The following CDC14B variants were observed in gnomAD, a reference collection of about 807,000 sequenced individuals.
CDC14B encodes the protein cell division cycle 14B, also known as dual specificity protein phosphatase CDC14B.
In CDC14B, 22 loss-of-function variants were observed where a neutral mutation model predicts 64.2. That is an observed-to-expected ratio of 0.34 (90% CI 0.24 to 0.49). CDC14B has a LOEUF of 0.49. CDC14B is among the 20% of genes least tolerant of loss of function. The pLI, the probability that CDC14B is intolerant of heterozygous loss-of-function variation, is 0.99. For missense variants in CDC14B, 498 were observed against 629.9 expected, an observed-to-expected ratio of 0.79 and a Z score of 2.24; for synonymous variants, 191 against 215.8, an observed-to-expected ratio of 0.89 and a Z score of 1.01.
Position 96,563,511 on chromosome 9 carries a change from G to T in CDC14B, c.328-726C>A, listed in dbSNP as rs1587984121. On this transcript the variant is annotated intron_variant, in intron 3 of 13. Coordinates refer to ENST00000375241, the MANE Select transcript of CDC14B (RefSeq NM_033331.4). ...ACTAAAAATACAAAACTAGCTGGGC[G>T]TGGTGGCACATGCCTGTAATCCCAG... 2.0e-5 allele frequency among the ~76,000 whole-genome samples: 3 copies of T among 152,042 alleles called. No homozygotes were observed. The East Asian group carries it at 5.8e-4, about 29-fold the overall frequency.
intron 9 of CDC14B, among the ~76,000 whole-genome samples, chr9:96,526,142 C>T (rs534234381): frequency 6.6e-6 from 1 of 152,090 alleles, no homozygotes; most frequent in African/African-American, 2.4e-5. Context: ...CCGAGGAGGG[C>T]AGATCATGAG....
At chr9:96,491,581 G>C (rs1833097247) in exon 14 of CDC14B, 1 of 152,162 alleles carries the variant, frequency 6.6e-6, no homozygotes. Flanking sequence ...TCTGAACCTA[G>C]CCGGTACAAC....
chr9:96,606,330 C>T (rs1470254488), intron 1 of CDC14B, among the ~76,000 whole-genome samples: 1 of 75,338 alleles, frequency 1.3e-5, no homozygotes, highest in Non-Finnish European at 2.1e-5. Flanking sequence ...AAGACTCCAT[C>T]TCAAAAAAAA....
At chr9:96,619,085 G>T (rs905129219) in intron 1 of CDC14B, 134 bp downstream of exon 1, 2 of 587,414 alleles carry the variant, frequency 3.4e-6, no homozygotes, top group African/African-American at 4.0e-5. Flanking sequence ...GGCGGCCGGG[G>T]CGTTTAAGGG....
chr9:96,614,287 G>A (rs1425947264), intron 1 of CDC14B, among the ~76,000 whole-genome samples: 1 of 151,072 alleles, frequency 6.6e-6, no homozygotes, highest in South Asian at 2.1e-4. Flanking sequence ...TTTTGCCCAG[G>A]CTAGAGTGCT....
In CDC14B at chr9:96,588,525, C is replaced by T. The variant is rs16911372; in HGVS notation, c.161-23042G>A. Among the ~76,000 whole-genome samples, 36 of 152,218 alleles carry T rather than the reference C, an allele frequency of 2.4e-4. 1 individual carries two copies. The South Asian group carries it at 6.4e-3, about 27-fold the overall frequency. ...TGTTTTTGCGATAGGGCTCATCTGT[C>T]GCCCAGGCTGGAGCGCAGTGGCGTA... On this transcript the variant is annotated intron_variant, in intron 1 of 13. Coordinates refer to ENST00000375241, the MANE Select transcript of CDC14B (RefSeq NM_033331.4).
intron 13 of CDC14B, 109 bp from the exon 14 acceptor site, chr9:96,503,898 T>C: frequency 1.2e-6 from 1 of 807,242 alleles, no homozygotes. Flanking sequence ...TGCTAAAAAG[T>C]ATACGCTTGC....
rs552588245 is a variant in CDC14B, at chr9:96,604,324, G to A, written c.160+14895C>T. Among the ~76,000 whole-genome samples, 21 of 149,896 alleles carry A rather than the reference G, an allele frequency of 1.4e-4. 1 individual carries two copies. In the South Asian group the frequency reaches 2.5e-3, roughly 18 times the overall value. On this transcript the variant is annotated intron_variant, in intron 1 of 13. Coordinates refer to ENST00000375241, the MANE Select transcript of CDC14B (RefSeq NM_033331.4). Reference sequence around the variant, plus strand: ...GTTTCCTTAAACATTTCCTTGAAAAGGCCTCGTGAAGCTTGCATTTATTAT... The same window carrying A: ...GTTTCCTTAAACATTTCCTTGAAAAAGCCTCGTGAAGCTTGCATTTATTAT...
chr9:96,523,466 C>T (rs1837067222), intron 10 of CDC14B, 46 bp from the exon 11 acceptor site: 1 of 1,603,808 alleles, frequency 6.2e-7, no homozygotes, highest in Non-Finnish European at 8.5e-7. Flanking sequence ...CAGAAAGATA[C>T]ATGAACAACT....
At chr9:96,561,281 T>A (rs989813913) in intron 4 of CDC14B, among the ~76,000 whole-genome samples, 1 of 152,198 alleles carries the variant, frequency 6.6e-6, no homozygotes. Flanking sequence ...ATGATATACC[T>A]TATACATAAA....
intron 4 of CDC14B, among the ~76,000 whole-genome samples, chr9:96,557,037 G>A (rs1842591123): frequency 6.6e-6 from 1 of 152,212 alleles, no homozygotes; most frequent in Admixed American, 6.5e-5. Flanking sequence ...CTGCAGTCAA[G>A]GATCTTAAGC....
intron 12 of CDC14B, 147 bp downstream of exon 12, chr9:96,522,359 C>G (rs961333467): frequency 1.6e-6 from 1 of 638,046 alleles, no homozygotes; most frequent in African/African-American, 1.8e-5. Context: ...AGGCCAGCAC[C>G]CCTAGGTTTT....
rs913029762 is a variant in CDC14B at position 96,536,030 on chromosome 9, G to C, written c.628-1488C>G. On this transcript the variant is annotated intron_variant, in intron 7 of 13. Coordinates refer to ENST00000375241, the MANE Select transcript of CDC14B (RefSeq NM_033331.4). ...ATAACAAACCCGTGATCAGTTGTTG[G>C]CAACAACTAGATTTCACTGAATTGC... Among the ~76,000 whole-genome samples the C allele has an allele frequency of 2.0e-5, 3 of 152,354 alleles. No homozygotes were observed. In the East Asian group the frequency reaches 5.8e-4, roughly 29 times the overall value.
intron 1 of CDC14B, among the ~76,000 whole-genome samples, chr9:96,578,059 T>A (rs1403701035): frequency 6.6e-6 from 1 of 152,156 alleles, no homozygotes; most frequent in African/African-American, 2.4e-5. Flanking sequence ...CAGAACACAC[T>A]ATAAAAATAT....
chr9:96,538,368 T>C (rs183945868), intron 7 of CDC14B, among the ~76,000 whole-genome samples: 35 of 152,274 alleles, frequency 2.3e-4, no homozygotes, highest in African/African-American at 7.2e-4. Context: ...TTTCACTCTA[T>C]ACACGTCTAA....
intron 1 of CDC14B, among the ~76,000 whole-genome samples, chr9:96,590,142 T>C (rs1845694484): frequency 6.6e-6 from 1 of 152,150 alleles, no homozygotes; most frequent in African/African-American, 2.4e-5. Context: ...GGAACTCCTC[T>C]TTTCCCTATC....
At chr9:96,497,793 T>C (rs1300167935), downstream of CDC14B, among the ~76,000 whole-genome samples, 1 of 152,168 alleles carries the variant, frequency 6.6e-6, no homozygotes. Context: ...CTAAGATGGA[T>C]ACTGCCATCC....
At chr9:96,598,528 G>T (rs1424708314) in intron 1 of CDC14B, among the ~76,000 whole-genome samples, 1 of 152,068 alleles carries the variant, frequency 6.6e-6, no homozygotes, top group Non-Finnish European at 1.5e-5. Context: ...GTAGAGACAG[G>T]GTTTCACCAT....
chr9:96,498,506 ACTTAG>A (rs1833344241), downstream of CDC14B, among the ~76,000 whole-genome samples: 1 of 152,184 alleles, frequency 6.6e-6, no homozygotes, highest in Admixed American at 6.5e-5. Context: ...CACTCTCGAG[ACTTAG>A]CTTCAGCGTG....
Sources: allele counts gnomAD v4.1 joint callset (sites outside exome capture counted in the v4.1 genomes callset), GRCh38; gene constraint gnomAD v4.1.1; transcripts MANE v1.5; gene names NCBI Gene and HGNC (gene_info 2026-07-23, HGNC 2026-07-21).